Variants in DOK6 observed in about 807,000 individuals in gnomAD.
DOK6 encodes the protein downstream of tyrosine kinase 6.
DOK6 carries 22 observed loss-of-function variants against 44.0 expected under a neutral mutation model. That is an observed-to-expected ratio of 0.50 (90% CI 0.36 to 0.71). The LOEUF is 0.71. Among genes scored for constraint, DOK6 ranks in the 30% least tolerant of loss-of-function variants. The pLI is 0.00. For missense variants in DOK6, 340 were observed against 416.4 expected (o/e 0.82, Z 1.60); for synonymous variants, 166 against 145.5 (o/e 1.14, Z -1.01).
intron 2 of DOK6, among the ~76,000 whole-genome samples, chr18:69,573,785 C>CT (rs896489541): frequency 1.1e-4 from 16 of 151,938 alleles, no homozygotes; most frequent in Admixed American, 9.2e-4. Context: ...ATTTCTGTTT[C>CT]TTTTTTTCCC....
chr18:69,559,293 C>T (rs755923275), intron 1 of DOK6, among the ~76,000 whole-genome samples: 2 of 151,528 alleles, frequency 1.3e-5, no homozygotes, highest in Non-Finnish European at 2.9e-5. Flanking sequence ...CATATTTCCA[C>T]GAATATTGTA....
intron 7 of DOK6, among the ~76,000 whole-genome samples, chr18:69,768,224 A>T (rs1041865069): frequency 3.9e-5 from 6 of 152,216 alleles, no homozygotes. Flanking sequence ...GGGAAATGTC[A>T]ATACAACCAG....
At chr18:69,419,554 T>C (rs1978427570) in intron 1 of DOK6, among the ~76,000 whole-genome samples, 1 of 152,118 alleles carries the variant, frequency 6.6e-6, no homozygotes, top group Non-Finnish European at 1.5e-5. Flanking sequence ...GAATTAAAGG[T>C]GAAGTAAATA....
intron 5 of DOK6, among the ~76,000 whole-genome samples, chr18:69,737,663 G>T (rs1188625807): frequency 6.6e-6 from 1 of 152,152 alleles, no homozygotes; most frequent in East Asian, 1.9e-4. Context: ...TGTTTTAGAT[G>T]CCTTATTTCA....
intron 3 of DOK6, among the ~76,000 whole-genome samples, chr18:69,617,728 AAG>A (rs371388268): frequency 6.2e-4 from 22 of 35,358 alleles, no homozygotes; most frequent in Admixed American, 1.5e-3. Flanking sequence ...AGAAAGAAAA[AAG>A]GGGGAAGGAG....
chr18:69,467,843 T>G (rs1163877919), intron 1 of DOK6, among the ~76,000 whole-genome samples: 2 of 152,130 alleles, frequency 1.3e-5, no homozygotes, highest in Admixed American at 1.3e-4. Context: ...ACAATTATTA[T>G]TATTGTTGTG....
At chr18:69,744,925 T>TTA (rs759968762) in intron 6 of DOK6, among the ~76,000 whole-genome samples, 2 of 89,822 alleles carry the variant, frequency 2.2e-5, no homozygotes, top group African/African-American at 4.7e-5. Flanking sequence ...ACACTCCATC[T>TTA]AAAAAAAAAA....
chr18:69,572,612 A>C (rs1983140648), intron 2 of DOK6, among the ~76,000 whole-genome samples: 2 of 152,076 alleles, frequency 1.3e-5, no homozygotes, highest in Admixed American at 1.3e-4. Context: ...AAAAGAAGAT[A>C]ATTAGCAATC....
At chr18:69,479,566 T>C (rs1412486645) in intron 1 of DOK6, among the ~76,000 whole-genome samples, 1 of 152,170 alleles carries the variant, frequency 6.6e-6, no homozygotes, top group Non-Finnish European at 1.5e-5. Flanking sequence ...TACACTTTTA[T>C]AGGATTAATT....
At chr18:69,810,070 T>C (rs1981177097) in intron 7 of DOK6, among the ~76,000 whole-genome samples, 1 of 152,058 alleles carries the variant, frequency 6.6e-6, no homozygotes, top group African/African-American at 2.4e-5. Flanking sequence ...TCACACTGCC[T>C]GACTTCAAAA....
At chr18:69,733,198 A>G (rs1174389420) in intron 5 of DOK6, among the ~76,000 whole-genome samples, 1 of 152,124 alleles carries the variant, frequency 6.6e-6, no homozygotes, top group Non-Finnish European at 1.5e-5. Context: ...TATGAAAAAA[A>G]AAAAATTCAT....
chr18:69,526,335 T>C (rs1402941944), intron 1 of DOK6, among the ~76,000 whole-genome samples: 2 of 152,198 alleles, frequency 1.3e-5, no homozygotes, highest in East Asian at 3.8e-4. Context: ...GTACACAATG[T>C]CAGCTTTTAT....
chr18:69,705,555 C>A (rs1403773864), intron 5 of DOK6, among the ~76,000 whole-genome samples: 1 of 152,018 alleles, frequency 6.6e-6, no homozygotes, highest in African/African-American at 2.4e-5. Context: ...GGTATCCTAC[C>A]CTTGAGCTGC....
chr18:69,587,477 G>T (rs1481606573), intron 2 of DOK6, among the ~76,000 whole-genome samples: 2 of 152,024 alleles, frequency 1.3e-5, no homozygotes, highest in East Asian at 3.9e-4. Context: ...TCCTCTCAAG[G>T]TCCTCAATTA....
At chr18:69,619,621 T>C (rs1257998412) in intron 3 of DOK6, among the ~76,000 whole-genome samples, 1 of 152,220 alleles carries the variant, frequency 6.6e-6, no homozygotes, top group Non-Finnish European at 1.5e-5. Flanking sequence ...GTGGCAGCGC[T>C]TTACATAAAA....
intron 3 of DOK6, among the ~76,000 whole-genome samples, chr18:69,674,940 G>A (rs1765685495): frequency 6.6e-6 from 1 of 152,098 alleles, no homozygotes; most frequent in South Asian, 2.1e-4. Flanking sequence ...TGAATTGTAA[G>A]AATCTCTCTT....
Position 69,488,225 on chromosome 18 carries a change from CA to C in DOK6, c.67-76260del, listed in dbSNP as rs573517011. On this transcript the variant is annotated intron_variant, in intron 1 of 7. Transcript: ENST00000382713. ...GGCACTAATCCCATAATGAAGGCCC[CA>C]ACCTCATGACCTCATCTAACCCTAA... 5.8e-4 allele frequency among the ~76,000 whole-genome samples: 88 copies of C among 152,250 alleles called. No homozygotes were observed. In the Middle Eastern group the frequency reaches 0.017, roughly 29 times the overall value.
At chr18:69,788,366 C>T (rs991574361) in intron 7 of DOK6, among the ~76,000 whole-genome samples, 1 of 152,096 alleles carries the variant, frequency 6.6e-6, no homozygotes, top group African/African-American at 2.4e-5. Context: ...TTCACAAACA[C>T]GGAGGGATGA....
At chr18:69,574,160 T>C (rs951910561) in intron 2 of DOK6, among the ~76,000 whole-genome samples, 2 of 151,974 alleles carry the variant, frequency 1.3e-5, no homozygotes, top group South Asian at 4.1e-4. Context: ...TGAGACACTA[T>C]GTGTAGTGAC....
Sources: gnomAD v4.1 joint callset for allele counts (sites outside exome capture counted in the v4.1 genomes callset) on GRCh38, gnomAD v4.1.1 for gene constraint, MANE v1.5 for transcripts, NCBI Gene and HGNC (gene_info 2026-07-23, HGNC 2026-07-21) for gene names.